Variants in CENATAC observed in about 807,000 individuals in gnomAD.
CENATAC encodes the protein coiled-coil domain containing 84.
CENATAC carries 53 observed loss-of-function variants against 53.7 expected under a neutral mutation model. The ratio of observed to expected loss-of-function variants is 0.99; its 90% CI spans 0.79 to 1.24. The LOEUF (loss-of-function observed/expected upper bound fraction) is 1.24. Ranked by LOEUF, CENATAC falls within the 50% of genes most tolerant of loss-of-function variation. The probability of loss-of-function intolerance (pLI) is 0.00; values close to 1 mark genes in which losing one functional copy is unlikely to be tolerated. For synonymous variants in CENATAC, 156 were observed against 144.6 expected, an observed-to-expected ratio of 1.08 and a Z score of -0.57; for missense variants, 474 against 417.8, an observed-to-expected ratio of 1.13 and a Z score of -1.17.
chr11:119,003,048 A>G (rs1294541431), intron 3 of CENATAC: 3 of 525,392 alleles, frequency 5.7e-6, no homozygotes, highest in African/African-American at 3.8e-5. Flanking sequence ...CATCCAAAGC[A>G]TTGTAATCAG....
intron 8 of CENATAC, among the ~76,000 whole-genome samples, chr11:119,013,597 G>A (rs984449978): frequency 2.0e-5 from 3 of 151,212 alleles, no homozygotes; most frequent in Non-Finnish European, 3.0e-5. Flanking sequence ...CCAAGTAGCT[G>A]GGACTACAGG....
In CENATAC at chr11:118,998,607, T is replaced by G; in HGVS notation, c.284+14T>G. The G allele has an allele frequency of 6.4e-7, 1 of 1,554,460 alleles. No individual in the cohort carries two copies. Among genetic ancestry groups the G allele is most frequent in the Non-Finnish European group, 8.7e-7 (1 of 1,148,346 alleles). ...GCATCTGGCCAGGTGAGAGCCGAGC[T>G]AGGAGCCTGCTCCAGCACAGACGCA... On this transcript the variant is annotated intron_variant, in intron 2 of 10. Coordinates refer to ENST00000334418, the MANE Select transcript of CENATAC (RefSeq NM_198489.3).
At position 118,999,119 on chromosome 11, in the gene CENATAC, T is replaced by G; in HGVS notation, c.383+10T>G. Reference sequence around the variant, plus strand: ...CCCAGGATTATGCGCGGTGAGTCACTGGTATGGAACGTGAAGTAGCAGAGT... The same window carrying G: ...CCCAGGATTATGCGCGGTGAGTCACGGGTATGGAACGTGAAGTAGCAGAGT... On this transcript the variant is annotated intron_variant, in intron 3 of 10. Transcript: ENST00000334418. 1 of 1,590,594 alleles carries G rather than the reference T, an allele frequency of 6.3e-7. No individual in the cohort carries two copies. The highest frequency in any genetic ancestry group is 8.6e-7 in the Non-Finnish European group (1 of 1,158,614).
At position 118,998,331 on chromosome 11, in the gene CENATAC, G is replaced by A. The variant is rs987323409; in HGVS notation, c.120+14G>A. The A allele has an allele frequency of 6.2e-6, 10 of 1,611,174 alleles. No homozygotes were observed. The African/African-American group carries it at 1.3e-4, about 22-fold the overall frequency. Reference sequence around the variant, plus strand: ...CTCCTGCCCCAGGTGCGGAGGCAAGGCTAGAGATGGGATGGGAGTGCGGGG... The same window carrying A: ...CTCCTGCCCCAGGTGCGGAGGCAAGACTAGAGATGGGATGGGAGTGCGGGG... On this transcript the variant is annotated intron_variant, in intron 1 of 10. Transcript: ENST00000334418.
At chr11:119,012,310 C>A in intron 7 of CENATAC, 56 bp downstream of exon 7, 2 of 1,583,392 alleles carry the variant, frequency 1.3e-6, no homozygotes, top group South Asian at 1.1e-5. Context: ...TCTCAGGACC[C>A]CTTTCTCCTG....
Position 119,012,244 on chromosome 11 carries a change from T to A in CENATAC, c.674T>A (p.Ile225Asn), listed in dbSNP as rs782017698. The A allele has an allele frequency of 4.3e-6, 7 of 1,613,958 alleles. No individual in the cohort carries two copies. The African/African-American group carries it at 6.7e-5, about 15-fold the overall frequency. The change falls in exon 7 of 11, where the codon ATT becomes AAT. Residue 225 changes from isoleucine (I) to asparagine (N), a missense_variant. Transcript: ENST00000334418. ...GAGACAGGACCATCTCTGACATTCA[T>A]TGGCCATCAGGTACAAAGGATAAGC... is the stretch of plus-strand genomic sequence containing the variant. ...WMETGPSLTF[I>N]GHQDIPGVGN...
chr11:118,998,280 G>A lies in CENATAC; in HGVS notation c.83G>A (p.Arg28Gln), dbSNP rs1184993451. Residue 28 changes from arginine to glutamine, a missense_variant, in exon 1 of 11, where the codon CGG (arginine) becomes CAG (glutamine). Coordinates refer to ENST00000334418, the MANE Select transcript of CENATAC (RefSeq NM_198489.3). Reference protein sequence around the residue: ...RGHVYSRKHQRQLKEALERLL... With the variant: ...RGHVYSRKHQQQLKEALERLL... Reference sequence around the variant, plus strand: ...CACGTTTACAGCCGCAAGCACCAGCGGCAGCTGAAGGAGGCTTTGGAGAGG... The same window carrying A: ...CACGTTTACAGCCGCAAGCACCAGCAGCAGCTGAAGGAGGCTTTGGAGAGG... 2.5e-6 allele frequency: 4 copies of A among 1,601,410 alleles called. No homozygotes were observed. Among genetic ancestry groups the A allele is most frequent in the South Asian group, 1.1e-5 (1 of 89,178 alleles).
rs1209075245 is a variant in CENATAC at position 118,998,170 on chromosome 11, G to A, written c.-28G>A. On this transcript the variant is annotated 5_prime_UTR_variant, in exon 1 of 11. Coordinates refer to ENST00000334418, the MANE Select transcript of CENATAC (RefSeq NM_198489.3). ...GCCGGATGGCGTAGGATCGGCCGCT[G>A]GTGGTGGTGATACCGGGTACCCGGG... The A allele has an allele frequency of 1.3e-6, 2 of 1,565,862 alleles. No homozygotes were observed. Among genetic ancestry groups the A allele is most frequent in the Admixed American group, 1.9e-5 (1 of 53,250 alleles).
intron 8 of CENATAC, among the ~76,000 whole-genome samples, chr11:119,013,871 A>G (rs530763164): frequency 6.6e-6 from 1 of 152,288 alleles, no homozygotes; most frequent in East Asian, 1.9e-4. Context: ...AAACAACCCA[A>G]TAAAAGCATA....
intron 3 of CENATAC, 82 bp downstream of exon 3, chr11:118,999,191 G>A: frequency 9.8e-7 from 1 of 1,025,098 alleles, no homozygotes; most frequent in Non-Finnish European, 1.5e-6. Context: ...TCTATTAACT[G>A]GAAAGTTCAG....
In CENATAC at chr11:119,006,075, A is replaced by ATTTTTTTT. The variant is rs564551696; in HGVS notation, c.384-4666_384-4659dup. ...TGCCTTGGCCTTCAGAGTAGGCAGG[A>ATTTTTTTT]TTTTTTTTTTTTTTTTTTTTTTTTT... On this transcript the variant is annotated intron_variant, in intron 3 of 10. Transcript: ENST00000334418. 2.6e-4 allele frequency: 15 copies of ATTTTTTTT among 58,510 alleles called. 1 individual carries two copies. The highest frequency in any genetic ancestry group is 9.7e-4 in the African/African-American group (13 of 13,456). 3.6% of individuals were successfully genotyped at this position (58,510 alleles called of 1,614,324 possible).
intron 3 of CENATAC, among the ~76,000 whole-genome samples, chr11:119,006,381 C>T (rs1182682914): frequency 4.0e-5 from 6 of 151,800 alleles, no homozygotes; most frequent in African/African-American, 7.3e-5. Flanking sequence ...GGACTACAGG[C>T]GCCCGCCACC....
At chr11:119,002,224 C>CAAAAAAAAA (rs782664366) in intron 3 of CENATAC, among the ~76,000 whole-genome samples, 4 of 49,526 alleles carry the variant, frequency 8.1e-5, no homozygotes, top group Non-Finnish European at 1.1e-4. Flanking sequence ...AACTCTGTCT[C>CAAAAAAAAA]AAAAAAAAAA....
intron 7 of CENATAC, chr11:119,012,679 C>G (rs1942926234): frequency 5.8e-6 from 1 of 172,240 alleles, no homozygotes; most frequent in African/African-American, 2.4e-5. Context: ...CCCCTTCAAT[C>G]CTGCCTCACA....
chr11:119,004,656 G>GA (rs1942488669), intron 3 of CENATAC: 1 of 153,064 alleles, frequency 6.5e-6, no homozygotes, highest in South Asian at 2.1e-4. Flanking sequence ...AAGGCAGGGG[G>GA]ATCACCTGAG....
rs553467591 is a variant in CENATAC, at chr11:118,999,741, C to T, written c.383+632C>T. ...CACTGCAAGCTCTGCCTCCTGGGTTCGCGCCATTCTCCTGCCTCAGACTCC... is the reference window on the plus strand; with the variant it reads ...CACTGCAAGCTCTGCCTCCTGGGTTTGCGCCATTCTCCTGCCTCAGACTCC... On this transcript the variant is annotated intron_variant, in intron 3 of 10. Transcript: ENST00000334418. Among the ~76,000 whole-genome samples, 45 of 152,262 alleles carry T rather than the reference C, an allele frequency of 3.0e-4. No homozygotes were observed. In the South Asian group the frequency reaches 8.7e-3, roughly 29 times the overall value.
chr11:119,011,213 T>C lies in CENATAC; in HGVS notation c.451-8T>C, dbSNP rs782667821. 2.7e-5 allele frequency: 44 copies of C among 1,613,286 alleles called. No individual in the cohort carries two copies. Among genetic ancestry groups the C allele is most frequent in the Admixed American group, 5.0e-5 (3 of 59,960 alleles). On this transcript the variant is annotated splice_polypyrimidine_tract_variant and splice_region_variant and intron_variant, in intron 4 of 10. Coordinates refer to ENST00000334418, the MANE Select transcript of CENATAC (RefSeq NM_198489.3). ...CCTGTACCTGTCTAAGCAGCCTCTC[T>C]CCCACAGATGGCAGCTCAGATCCGT...
intron 1 of CENATAC, 56 bp from the exon 2 acceptor site, chr11:118,998,374 G>C (rs1194858232): frequency 6.2e-7 from 1 of 1,611,894 alleles, no homozygotes; most frequent in African/African-American, 1.3e-5. Context: ...GTGAAGGCCA[G>C]AGCGGGTGTG....
chr11:119,015,137 T>C lies in CENATAC; in HGVS notation c.805+54T>C, dbSNP rs2134582616. The C allele has an allele frequency of 2.6e-6, 4 of 1,522,624 alleles. No homozygotes were observed. In the South Asian group the frequency reaches 4.6e-5, roughly 18 times the overall value. The allele number at this position is 1,522,624 out of a possible 1,614,324, so 94.3% of individuals were successfully genotyped here. A position where few individuals can be genotyped will look rare whatever the true frequency, so the allele number is the denominator to read the frequency against. On this transcript the variant is annotated intron_variant, in intron 9 of 10. Coordinates refer to ENST00000334418, the MANE Select transcript of CENATAC (RefSeq NM_198489.3). ...TCTAAATCTTCACACTCAAAAATGG[T>C]TTCCTTGCCTGTGTGTGGTGGCTCA...
Sources: allele counts gnomAD v4.1 joint callset (sites outside exome capture counted in the v4.1 genomes callset), GRCh38; gene constraint gnomAD v4.1.1; transcripts MANE v1.5; gene names NCBI Gene and HGNC (gene_info 2026-07-23, HGNC 2026-07-21).